The following USP1 variants were observed in gnomAD, a reference collection of about 807,000 sequenced individuals.
USP1 encodes the protein ubiquitin specific peptidase 1.
USP1 carries 18 observed loss-of-function variants against 72.2 expected under a neutral mutation model. That is an observed-to-expected ratio of 0.25 (90% CI 0.17 to 0.37). USP1 has a LOEUF of 0.37. Ranked by LOEUF, USP1 falls within the 10% of genes least tolerant of loss-of-function variation. USP1 has a pLI of 1.00. For missense variants in USP1, 759 were observed against 884.9 expected, an observed-to-expected ratio of 0.86 and a Z score of 1.81; for synonymous variants, 354 against 303.7, an observed-to-expected ratio of 1.17 and a Z score of -1.72.
chr1:62,449,205 A>C (rs569766005), intron 8 of USP1, among the ~76,000 whole-genome samples: 10 of 152,216 alleles, frequency 6.6e-5, no homozygotes, highest in African/African-American at 2.2e-4. Flanking sequence ...TCATCTTTTC[A>C]TATTCATTCC....
In USP1 at chr1:62,439,812, T is replaced by C. The variant is rs1345436400; in HGVS notation, c.-56T>C. On this transcript the variant is annotated 5_prime_UTR_variant, in exon 2 of 9. Transcript: ENST00000339950. ...TGTGATTAACAGATATAATTGGTGATTACAACTTTCCTCTATAAATTAACT... is the reference window on the plus strand; with the variant it reads ...TGTGATTAACAGATATAATTGGTGACTACAACTTTCCTCTATAAATTAACT... 3.1e-5 allele frequency: 41 copies of C among 1,312,174 alleles called. No homozygotes were observed. The South Asian group carries it at 9.4e-4, about 30-fold the overall frequency. 81.3% of individuals were successfully genotyped at this position (1,312,174 alleles called of 1,614,324 possible).
intron 7 of USP1, 28 bp from the exon 8 acceptor site, chr1:62,448,437 A>G: frequency 6.2e-7 from 1 of 1,604,040 alleles, no homozygotes; most frequent in Non-Finnish European, 8.5e-7. Flanking sequence ...TGAGAGAAGT[A>G]TTTGAGTGAA....
chr1:62,446,984 T>G (rs1047045835), intron 6 of USP1, among the ~76,000 whole-genome samples: 1 of 151,930 alleles, frequency 6.6e-6, no homozygotes, highest in Non-Finnish European at 1.5e-5. Flanking sequence ...CCGGCTAATT[T>G]TGTATTTTTA....
At chr1:62,449,196 C>T (rs1392372618) in intron 8 of USP1, among the ~76,000 whole-genome samples, 1 of 152,056 alleles carries the variant, frequency 6.6e-6, no homozygotes, top group African/African-American at 2.4e-5. Flanking sequence ...TTTCTTTATT[C>T]ATCTTTTCAT....
At chr1:62,447,214 T>C in intron 6 of USP1, 127 bp from the exon 7 acceptor site, 1 of 926,812 alleles carries the variant, frequency 1.1e-6, no homozygotes, top group Non-Finnish European at 1.6e-6. Context: ...CTAATAATGC[T>C]AATAAGCTGA....
At chr1:62,447,598 T>G (rs945054957) in intron 7 of USP1, 87 bp downstream of exon 7, 2 of 1,435,546 alleles carry the variant, frequency 1.4e-6, no homozygotes, top group Non-Finnish European at 1.9e-6. Context: ...CTGGTGTAAT[T>G]AGGGAGGGGA....
intron 6 of USP1, among the ~76,000 whole-genome samples, chr1:62,446,111 A>AAT (rs1183410654): frequency 6.6e-6 from 1 of 152,256 alleles, no homozygotes; most frequent in African/African-American, 2.4e-5. Flanking sequence ...TTTTAAAAGT[A>AAT]AAGACTAAGT....
intron 1 of USP1, among the ~76,000 whole-genome samples, 155 bp downstream of exon 1, chr1:62,437,555 C>T (rs942113064): frequency 1.3e-5 from 2 of 152,058 alleles, no homozygotes; most frequent in Admixed American, 6.5e-5. Context: ...GGCGTGGCGC[C>T]TGTCTTGCCG....
chr1:62,445,937 C>T (rs1342033024), intron 6 of USP1, among the ~76,000 whole-genome samples: 2 of 152,002 alleles, frequency 1.3e-5, no homozygotes, highest in African/African-American at 4.8e-5. Flanking sequence ...CAATATTATG[C>T]CACTGCACTC....
intron 4 of USP1, among the ~76,000 whole-genome samples, chr1:62,442,565 A>T (rs1397704402): frequency 2.6e-5 from 4 of 152,212 alleles, no homozygotes; most frequent in Admixed American, 6.5e-5. Context: ...ACAATATGTT[A>T]TACCCATGTA....
chr1:62,447,974 G>C (rs992177439), intron 7 of USP1, among the ~76,000 whole-genome samples: 2 of 152,090 alleles, frequency 1.3e-5, no homozygotes, highest in African/African-American at 4.8e-5. Flanking sequence ...TTTTAGTAGA[G>C]ACGGGGTTTC....
Position 62,450,286 on chromosome 1 carries a change from C to G in USP1, c.1663C>G (p.Pro555Ala), listed in dbSNP as rs1645205174. 4 of 1,614,062 alleles carry G rather than the reference C, an allele frequency of 2.5e-6. No individual in the cohort carries two copies. The highest frequency in any genetic ancestry group is 3.4e-6 in the Non-Finnish European group (4 of 1,180,004). Reference protein sequence around the residue: ...YGGGLSKINTPLLTPLKLSLE... With the variant: ...YGGGLSKINTALLTPLKLSLE... ...TGGTGGACTTTCCAAGATCAACACT[C>G]CTTTATTGACACCTCTTAAATTGTC... The change falls in exon 9 of 9, where the codon CCT (proline) becomes GCT (alanine). Residue 555 changes from proline to alanine, a missense_variant. Transcript: ENST00000339950.
At chr1:62,446,958 G>T (rs533492643) in intron 6 of USP1, among the ~76,000 whole-genome samples, 6 of 152,192 alleles carry the variant, frequency 3.9e-5, no homozygotes, top group Non-Finnish European at 7.4e-5. Context: ...GTGATTACAG[G>T]CATGCACCAC....
intron 7 of USP1, among the ~76,000 whole-genome samples, chr1:62,447,992 T>C (rs1645187752): frequency 6.6e-6 from 1 of 152,158 alleles, no homozygotes; most frequent in Admixed American, 6.5e-5. Context: ...TTCACCATGT[T>C]AGCCAGGATG....
At chr1:62,444,530 G>A (rs1645156410) in intron 5 of USP1, among the ~76,000 whole-genome samples, 1 of 151,932 alleles carries the variant, frequency 6.6e-6, no homozygotes, top group Non-Finnish European at 1.5e-5. Context: ...ATTTAGAAGA[G>A]GATCAAAGTA....
intron 4 of USP1, among the ~76,000 whole-genome samples, chr1:62,442,864 G>A (rs1044224697): frequency 6.6e-6 from 1 of 151,966 alleles, no homozygotes; most frequent in Non-Finnish European, 1.5e-5. Context: ...CTAGTAGGGC[G>A]TCATGGTGTG....
At chr1:62,441,309 CTT>C (rs1369161949) in intron 2 of USP1, among the ~76,000 whole-genome samples, 177 bp from the exon 3 acceptor site, 2 of 152,070 alleles carry the variant, frequency 1.3e-5, no homozygotes, top group African/African-American at 4.8e-5. Context: ...GCTTTTAAAA[CTT>C]TTATTCTGGG....
In USP1 at chr1:62,448,885, TCTC is replaced by T. The variant is rs550230864; in HGVS notation, c.1622+222_1622+224del. ...ACATATTCTATTAAGTATGATTTCT[TCTC>T]CTTTTTTTTTTGAAACAGGGTCTCA... is the stretch of plus-strand genomic sequence containing the variant. On this transcript the variant is annotated intron_variant, in intron 8 of 8. Transcript: ENST00000339950. Among the ~76,000 whole-genome samples, 22 of 152,256 alleles carry T rather than the reference TCTC, an allele frequency of 1.4e-4. No homozygotes were observed. In the East Asian group the frequency reaches 3.3e-3, roughly 23 times the overall value.
intron 5 of USP1, 102 bp from the exon 6 acceptor site, chr1:62,444,636 G>A (rs1235338233): frequency 1.0e-6 from 1 of 968,012 alleles, no homozygotes; most frequent in Admixed American, 3.5e-5. Flanking sequence ...TTTAAAAAAT[G>A]AAATAATTTA....
Sources: allele counts gnomAD v4.1 joint callset (sites outside exome capture counted in the v4.1 genomes callset), GRCh38; gene constraint gnomAD v4.1.1; transcripts MANE v1.5; gene names NCBI Gene and HGNC (gene_info 2026-07-23, HGNC 2026-07-21).